SLC15A4: variants seen among roughly 807,000 people sequenced by gnomAD.
SLC15A4 encodes the protein solute carrier family 15 member 4.
In SLC15A4, 26 loss-of-function variants were observed where a neutral mutation model predicts 46.1. The observed-to-expected ratio is 0.56, with a 90% CI of 0.41 to 0.78. SLC15A4 has a LOEUF of 0.78. Ranked by LOEUF, SLC15A4 falls within the 30% of genes least tolerant of loss-of-function variation. SLC15A4 has a pLI of 0.00. For synonymous variants in SLC15A4, 370 were observed against 333.4 expected, an observed-to-expected ratio of 1.11 and a Z score of -1.20; for missense variants, 751 against 755.7, an observed-to-expected ratio of 0.99 and a Z score of 0.07.
intron 2 of SLC15A4, 52 bp from the exon 3 acceptor site, chr12:128,810,163 T>C: frequency 6.3e-7 from 1 of 1,578,574 alleles, no homozygotes; most frequent in Admixed American, 1.7e-5. Context: ...CAGCAATCAA[T>C]TATTTGGTCA....
intron 5 of SLC15A4, among the ~76,000 whole-genome samples, chr12:128,807,085 T>G (rs1036503017): frequency 8.6e-5 from 13 of 152,032 alleles, no homozygotes; most frequent in Non-Finnish European, 1.6e-4. Context: ...GTATTTTTAG[T>G]AAAGACAGGG....
intron 5 of SLC15A4, among the ~76,000 whole-genome samples, chr12:128,806,758 T>C (rs1482018358): frequency 6.6e-6 from 1 of 152,064 alleles, no homozygotes; most frequent in Non-Finnish European, 1.5e-5. Context: ...ATTCAGAGGC[T>C]CTGGAGCTGC....
At chr12:128,797,457 G>C (rs1955459445) in intron 7 of SLC15A4, among the ~76,000 whole-genome samples, 1 of 152,220 alleles carries the variant, frequency 6.6e-6, no homozygotes, top group South Asian at 2.1e-4. Flanking sequence ...CTGAGATCCA[G>C]ACTGCAAACA....
rs11370891 is a variant in SLC15A4 at position 128,793,785 on chromosome 12, ATT to A, written c.*409_*410del. ...CTTAAATATAAGTAACAGTTTATTA[ATT>A]TTTTTTTTACAGTGAGATATGGCTA... On this transcript the variant is annotated 3_prime_UTR_variant, in exon 8 of 8. Transcript: ENST00000266771. 4.0e-5 allele frequency: 6 copies of A among 150,252 alleles called. No individual in the cohort carries two copies. The highest frequency in any genetic ancestry group is 7.3e-5 in the Non-Finnish European group (5 of 68,064). 9.3% of individuals were successfully genotyped at this position (150,252 alleles called of 1,614,324 possible).
chr12:128,822,917 T>C (rs993502583), intron 1 of SLC15A4, among the ~76,000 whole-genome samples: 5 of 152,124 alleles, frequency 3.3e-5, no homozygotes, highest in Non-Finnish European at 2.9e-5. Context: ...GGTGTGACCC[T>C]AGCTCACTGC....
At chr12:128,821,483 T>C (rs1955836759) in intron 1 of SLC15A4, among the ~76,000 whole-genome samples, 1 of 152,258 alleles carries the variant, frequency 6.6e-6, no homozygotes, top group African/African-American at 2.4e-5. Context: ...GTGGCTGTGT[T>C]GCAGAAACAG....
intron 1 of SLC15A4, chr12:128,815,997 G>T (rs1055302235): frequency 6.6e-6 from 1 of 152,224 alleles, no homozygotes. Flanking sequence ...TTGAAGCAAA[G>T]AGGAAATTAT....
intron 6 of SLC15A4, among the ~76,000 whole-genome samples, chr12:128,800,106 G>C (rs537753502): frequency 6.6e-6 from 1 of 152,270 alleles, no homozygotes; most frequent in Admixed American, 6.5e-5. Context: ...GATTCCTAAA[G>C]TGCTGGGGTT....
intron 2 of SLC15A4, among the ~76,000 whole-genome samples, chr12:128,812,753 C>G (rs375064007): frequency 6.6e-6 from 1 of 152,172 alleles, no homozygotes; most frequent in African/African-American, 2.4e-5. Flanking sequence ...TGAGATGAAT[C>G]CATCTCCGCT....
At chr12:128,810,690 G>A (rs1955645367) in intron 2 of SLC15A4, among the ~76,000 whole-genome samples, 1 of 152,162 alleles carries the variant, frequency 6.6e-6, no homozygotes, top group South Asian at 2.1e-4. Context: ...AAGAGCTGTT[G>A]GGGGAGGGCG....
chr12:128,814,437 G>A lies in SLC15A4; in HGVS notation c.842+338C>T, dbSNP rs1262196341. 7 of 253,764 alleles carry A rather than the reference G, an allele frequency of 2.8e-5. No homozygotes were observed. In the East Asian group the frequency reaches 4.2e-4, roughly 15 times the overall value. The allele number at this position is 253,764 out of a possible 1,614,324, so 15.7% of individuals were successfully genotyped here. ...AGCTTTTTAAAATAAAAAGAAACAT[G>A]TATAAAGCATGTCTTCTGTCTCCTC... is the stretch of plus-strand genomic sequence containing the variant. On this transcript the variant is annotated intron_variant, in intron 2 of 7. Coordinates refer to ENST00000266771, the MANE Select transcript of SLC15A4 (RefSeq NM_145648.4).
intron 5 of SLC15A4, among the ~76,000 whole-genome samples, chr12:128,802,725 A>T (rs1955532270): frequency 6.6e-6 from 1 of 152,216 alleles, no homozygotes; most frequent in South Asian, 2.1e-4. Context: ...ACAGACTCTG[A>T]AGACTAAGGA....
chr12:128,794,176 C>A lies in SLC15A4; in HGVS notation c.*20G>T, dbSNP rs777706237. 7.6e-6 allele frequency: 12 copies of A among 1,588,652 alleles called. No individual in the cohort carries two copies. The highest frequency in any genetic ancestry group is 1.0e-5 in the Non-Finnish European group (12 of 1,165,496). On this transcript the variant is annotated 3_prime_UTR_variant, in exon 8 of 8. Coordinates refer to ENST00000266771, the MANE Select transcript of SLC15A4 (RefSeq NM_145648.4). The stretch of plus-strand genomic sequence containing the variant: ...TTACTGACATGTCAGCCTCAGAAAC[C>A]GCACATGGCCTCAGGAAGGTCAGGC...
Position 128,808,961 on chromosome 12 carries a change from G to T in SLC15A4, c.1090-5C>A, listed in dbSNP as rs374379004. On this transcript the variant is annotated splice_region_variant and splice_polypyrimidine_tract_variant and intron_variant, in intron 4 of 7. Transcript: ENST00000266771. ...GGTCAGCCAGGCTGCAGGGAGCTGG[G>T]GTGAAACACAGGAGGAGGCGTTTAC... 6.2e-7 allele frequency: 1 copy of T among 1,611,686 alleles called. No individual in the cohort carries two copies. The highest frequency in any genetic ancestry group is 1.7e-4 in the Middle Eastern group (1 of 6,036).
Position 128,823,431 on chromosome 12 carries a change from G to A in SLC15A4, c.513C>T (p.Val171=), listed in dbSNP as rs1296607467. 3 of 1,461,094 alleles carry A rather than the reference G, an allele frequency of 2.1e-6. No individual in the cohort carries two copies. The highest frequency in any genetic ancestry group is 2.7e-5 in the South Asian group (2 of 75,336). The allele number at this position is 1,461,094 out of a possible 1,614,324, so 90.5% of individuals were successfully genotyped here. ...LVLVGLGVAT[V]KANITPFGAD... The stretch of plus-strand genomic sequence containing the variant: ...CGCCGAAGGGCGTGATGTTGGCCTT[G>A]ACGGTGGCCACGCCCAGGCCCACCA... The change falls in exon 1 of 8, where the codon GTC becomes GTT. Residue 171 remains valine (V), a synonymous_variant. Transcript: ENST00000266771.
chr12:128,808,889 T>C lies in SLC15A4; in HGVS notation c.1157A>G (p.Lys386Arg). Residue 386 changes from lysine to arginine, a missense_variant, in exon 5 of 8, where the codon AAA becomes AGA. By Grantham distance (26) the Lys-to-Arg change is conservative (BLOSUM62 2). Transcript: ENST00000266771. ...TCTTCTCAAAATGGGATCGACCAGTTTGTCCTTCAGAGGGATGAGCAGGAG... is the reference window on the plus strand; with the variant it reads ...TCTTCTCAAAATGGGATCGACCAGTCTGTCCTTCAGAGGGATGAGCAGGAG... Reference protein sequence around the residue: ...LILLLIPLKDKLVDPILRRHG... With the variant: ...LILLLIPLKDRLVDPILRRHG... 1 of 1,614,192 alleles carries C rather than the reference T, an allele frequency of 6.2e-7. No individual in the cohort carries two copies.
Position 128,814,793 on chromosome 12 carries a change from C to T in SLC15A4, c.824G>A (p.Gly275Glu). The T allele has an allele frequency of 6.2e-7, 1 of 1,614,126 alleles. No individual in the cohort carries two copies. Among genetic ancestry groups the T allele is most frequent in the Non-Finnish European group, 8.5e-7 (1 of 1,179,938 alleles). ...TYSCCSQKRS[G>E]ERQSNGEGIG... ...TGCTTACCCATTACTCTGGCGCTCT[C>T]CACTTCGCTTCTGGGAACAGCAGGA... Residue 275 changes from glycine to glutamate, a missense_variant, in exon 2 of 8, where the codon GGA (glycine) becomes GAA (glutamate). Coordinates refer to ENST00000266771, the MANE Select transcript of SLC15A4 (RefSeq NM_145648.4).
intron 1 of SLC15A4, chr12:128,815,600 C>T (rs1306257720): frequency 1.9e-5 from 3 of 159,920 alleles, no homozygotes; most frequent in Admixed American, 5.8e-5. Flanking sequence ...GCAGGAGAAT[C>T]GCTTGAATCC....
At chr12:128,794,484 T>A (rs1222663602) in intron 7 of SLC15A4, 128 bp from the exon 8 acceptor site, 1 of 917,770 alleles carries the variant, frequency 1.1e-6, no homozygotes, top group African/African-American at 1.7e-5. Flanking sequence ...AAATGTTGTC[T>A]CTGTAGTCCA....
Sources: allele counts gnomAD v4.1 joint callset (sites outside exome capture counted in the v4.1 genomes callset), GRCh38; gene constraint gnomAD v4.1.1; transcripts MANE v1.5; gene names NCBI Gene and HGNC (gene_info 2026-07-23, HGNC 2026-07-21).